ABCA4: variants seen among roughly 807,000 people sequenced by gnomAD.
The protein encoded by ABCA4 is ATP binding cassette subfamily A member 4, also known as retinal-specific phospholipid-transporting ATPase ABCA4.
A neutral mutation model predicts 263.7 loss-of-function variants in ABCA4; 196 were observed. That is an observed-to-expected ratio of 0.74 (90% CI 0.66 to 0.84). ABCA4 has a LOEUF of 0.84. Ranked by LOEUF, ABCA4 falls within the 40% of genes least tolerant of loss-of-function variation. The pLI is 0.00. For synonymous variants in ABCA4, 1,133 were observed against 1,094.2 expected, an observed-to-expected ratio of 1.04 and a Z score of -0.70; for missense variants, 2,792 against 2,855.1, an observed-to-expected ratio of 0.98 and a Z score of 0.50.
chr1:94,074,625 G>A (rs1205282548), intron 11 of ABCA4, among the ~76,000 whole-genome samples: 1 of 152,164 alleles, frequency 6.6e-6, no homozygotes, highest in African/African-American at 2.4e-5. Flanking sequence ...TGACAAATGG[G>A]TATCTATCAT....
chr1:94,109,427 A>G (rs1057347971), intron 3 of ABCA4, among the ~76,000 whole-genome samples: 1 of 152,200 alleles, frequency 6.6e-6, no homozygotes, highest in Non-Finnish European at 1.5e-5. Context: ...CCCTGCACAC[A>G]CACATTGGCA....
At chr1:94,106,799 C>T (rs1662449145) in intron 4 of ABCA4, among the ~76,000 whole-genome samples, 1 of 152,252 alleles carries the variant, frequency 6.6e-6, no homozygotes, top group Non-Finnish European at 1.5e-5. Context: ...GGAGGAGGAT[C>T]AGATTCTCCT....
intron 36 of ABCA4, among the ~76,000 whole-genome samples, chr1:94,017,912 G>T (rs1320224417): frequency 6.6e-6 from 1 of 152,210 alleles, no homozygotes; most frequent in African/African-American, 2.4e-5. Flanking sequence ...TCATATATGT[G>T]CTAAGTGAAT....
chr1:94,022,003 C>T, intron 32 of ABCA4, 52 bp from the exon 33 acceptor site: 1 of 1,456,302 alleles, frequency 6.9e-7, no homozygotes, highest in East Asian at 2.3e-5. Context: ...TTCACGCCTA[C>T]TAGTAGCTCT....
intron 5 of ABCA4, among the ~76,000 whole-genome samples, chr1:94,102,306 C>T (rs945232355): frequency 6.6e-6 from 1 of 151,968 alleles, no homozygotes; most frequent in Non-Finnish European, 1.5e-5. Context: ...GGAAGTGGTC[C>T]AGGAAAGCAG....
intron 48 of ABCA4, among the ~76,000 whole-genome samples, chr1:93,997,655 A>G (rs1447037192): frequency 6.6e-6 from 1 of 152,242 alleles, no homozygotes; most frequent in African/African-American, 2.4e-5. Flanking sequence ...GAAAATGTAA[A>G]AAAAAGAATC....
At chr1:94,095,532 C>G (rs370166116) in intron 6 of ABCA4, among the ~76,000 whole-genome samples, 1 of 152,182 alleles carries the variant, frequency 6.6e-6, no homozygotes, top group African/African-American at 2.4e-5. Flanking sequence ...AGCATGGCTG[C>G]GCGCCAACCA....
At chr1:93,998,146 T>C (rs933058535) in intron 47 of ABCA4, 36 bp from the exon 48 acceptor site, 9 of 1,613,732 alleles carry the variant, frequency 5.6e-6, no homozygotes, top group African/African-American at 1.3e-5. Context: ...AGGCCTCTGT[T>C]AGTGGTTGGG....
intron 31 of ABCA4, among the ~76,000 whole-genome samples, chr1:94,023,826 C>T (rs949321188): frequency 1.3e-5 from 2 of 152,138 alleles, no homozygotes; most frequent in South Asian, 4.1e-4. Flanking sequence ...GGGGGAGTTC[C>T]GACTCACTCC....
At chr1:94,003,792 C>T (rs974741286) in intron 44 of ABCA4, among the ~76,000 whole-genome samples, 3 of 152,092 alleles carry the variant, frequency 2.0e-5, no homozygotes, top group South Asian at 2.1e-4. Flanking sequence ...CACCACCAGG[C>T]CCAGCTAATT....
chr1:94,120,929 C>T, intron 1 of ABCA4, 51 bp downstream of exon 1: 2 of 1,391,778 alleles, frequency 1.4e-6, no homozygotes, highest in Non-Finnish European at 2.0e-6. Context: ...CACTTCCAAC[C>T]TGTTTATTTG....
At chr1:94,008,155 G>A (rs1022034794) in intron 42 of ABCA4, 80 bp downstream of exon 42, 3 of 1,297,216 alleles carry the variant, frequency 2.3e-6, no homozygotes. Flanking sequence ...CTATTGAATA[G>A]CTCTGCCTTA....
At position 94,000,887 on chromosome 1, in the gene ABCA4, A is replaced by C. The variant is rs1659153516; in HGVS notation, c.6428T>G (p.Met2143Arg). The change falls in exon 47 of 50, where the codon ATG (methionine) becomes AGG (arginine). Residue 2143 changes from methionine (M) to arginine (R), a missense_variant. Transcript: ENST00000370225. Reference sequence around the variant, plus strand: ...CATACATCGAAAGGCGCCCTTTACCATGATGGCCAGCCGGGTACACAGTGC... The same window carrying C: ...CATACATCGAAAGGCGCCCTTTACCCTGATGGCCAGCCGGGTACACAGTGC... ...CEALCTRLAIMVKGAFRCMGT... is the reference protein window; with the variant it reads ...CEALCTRLAIRVKGAFRCMGT... 6.2e-7 allele frequency: 1 copy of C among 1,614,084 alleles called. No individual in the cohort carries two copies. Among genetic ancestry groups the C allele is most frequent in the Non-Finnish European group, 8.5e-7 (1 of 1,180,042 alleles).
intron 16 of ABCA4, among the ~76,000 whole-genome samples, chr1:94,052,406 C>T (rs895392392): frequency 6.6e-6 from 1 of 152,026 alleles, no homozygotes; most frequent in Admixed American, 6.6e-5. Flanking sequence ...TAAGAGTTGC[C>T]GTATGTTTCA....
chr1:94,077,622 A>T, intron 11 of ABCA4, 68 bp downstream of exon 11: 1 of 1,438,560 alleles, frequency 7.0e-7, no homozygotes, highest in East Asian at 2.3e-5. Flanking sequence ...TTGACTTGCT[A>T]AGGGAGCTCT....
At chr1:94,030,669 G>A (rs1660174155) in intron 28 of ABCA4, 143 bp from the exon 29 acceptor site, 2 of 863,816 alleles carry the variant, frequency 2.3e-6, no homozygotes, top group African/African-American at 1.6e-5. Context: ...TAGCTCTCCT[G>A]GGAGTGCGGT....
At chr1:94,084,533 G>A (rs1661783453) in intron 6 of ABCA4, among the ~76,000 whole-genome samples, 1 of 152,178 alleles carries the variant, frequency 6.6e-6, no homozygotes, top group Non-Finnish European at 1.5e-5. Context: ...AGATGCAGAG[G>A]TCCTTGTATT....
At position 94,079,475 on chromosome 1, in the gene ABCA4, A is replaced by G. The variant is rs61753059; in HGVS notation, c.1100-14T>C. The G allele has an allele frequency of 6.2e-7, 1 of 1,614,218 alleles. No individual in the cohort carries two copies. The highest frequency in any genetic ancestry group is 8.5e-7 in the Non-Finnish European group (1 of 1,180,026). On this transcript the variant is annotated splice_polypyrimidine_tract_variant and intron_variant, in intron 8 of 49. Coordinates refer to ENST00000370225, the MANE Select transcript of ABCA4 (RefSeq NM_000350.3). ...TACAAAAGGATGCTGCCAGGAGACA[A>G]GGGACAGATTTTACAGAAACTCCCC... is the stretch of plus-strand genomic sequence containing the variant.
At chr1:94,011,071 A>G in intron 39 of ABCA4, 142 bp from the exon 40 acceptor site, 6 of 1,547,334 alleles carry the variant, frequency 3.9e-6, no homozygotes, top group Non-Finnish European at 5.3e-6. Context: ...GCTGCCCTCC[A>G]TCCCTCCTGT....
Sources: gnomAD v4.1 joint callset for allele counts (sites outside exome capture counted in the v4.1 genomes callset) on GRCh38, gnomAD v4.1.1 for gene constraint, MANE v1.5 for transcripts, NCBI Gene and HGNC (gene_info 2026-07-23, HGNC 2026-07-21) for gene names.